PCNX1: variants seen among roughly 807,000 people sequenced by gnomAD.
PCNX1 encodes pecanex 1, also known as pecanex-like protein 1.
Under a neutral mutation model 242.2 loss-of-function variants are expected in PCNX1, and 78 were observed. That is an observed-to-expected ratio of 0.32 (90% CI 0.27 to 0.39). PCNX1 has a LOEUF of 0.39. PCNX1 is among the 10% of genes least tolerant of loss of function. PCNX1 has a pLI of 1.00. For synonymous variants in PCNX1, 1,024 were observed against 1,032.9 expected (o/e 0.99, Z 0.17); for missense variants, 2,581 against 2,856.5 (o/e 0.90, Z 2.20).
chr14:71,024,508 A>AT (rs550562903), intron 13 of PCNX1, among the ~76,000 whole-genome samples: 68 of 150,666 alleles, frequency 4.5e-4, no homozygotes, highest in African/African-American at 1.5e-3. Flanking sequence ...CTTTAAAAAA[A>AT]TTTTTTTTTT....
chr14:70,916,338 G>C (rs901377342), intron 1 of PCNX1, among the ~76,000 whole-genome samples: 2 of 152,042 alleles, frequency 1.3e-5, no homozygotes, highest in African/African-American at 4.8e-5. Context: ...AAAAGAAAAT[G>C]GCCTTGGACA....
chr14:70,951,518 G>T (rs966960236), intron 2 of PCNX1, among the ~76,000 whole-genome samples: 4 of 151,898 alleles, frequency 2.6e-5, no homozygotes, highest in Non-Finnish European at 5.9e-5. Flanking sequence ...GGGATTACAG[G>T]CATGCACCAC....
At chr14:71,064,245 GA>G (rs918062360) in intron 26 of PCNX1, among the ~76,000 whole-genome samples, 10 of 151,610 alleles carry the variant, frequency 6.6e-5, no homozygotes, top group South Asian at 4.2e-4. Context: ...ATTTTGCTCA[GA>G]AAAAAAATCT....
At chr14:70,985,275 C>T (rs2058965879) in intron 6 of PCNX1, among the ~76,000 whole-genome samples, 1 of 152,124 alleles carries the variant, frequency 6.6e-6, no homozygotes, top group Admixed American at 6.5e-5. Context: ...AGTGCAGTGG[C>T]ACGATCTTGG....
chr14:70,955,697 T>G (rs1253562846), intron 2 of PCNX1, among the ~76,000 whole-genome samples: 1 of 152,200 alleles, frequency 6.6e-6, no homozygotes, highest in Non-Finnish European at 1.5e-5. Flanking sequence ...TCCAGGTATG[T>G]GCTGAAATCT....
chr14:71,065,236 C>G (rs1382392847), intron 26 of PCNX1, among the ~76,000 whole-genome samples: 11 of 152,228 alleles, frequency 7.2e-5, no homozygotes, highest in Non-Finnish European at 5.9e-5. Context: ...CTCCCACCAA[C>G]AGTGTAAAAG....
intron 26 of PCNX1, among the ~76,000 whole-genome samples, chr14:71,062,249 T>C (rs2061343635): frequency 6.6e-6 from 1 of 152,136 alleles, no homozygotes; most frequent in African/African-American, 2.4e-5. Flanking sequence ...GGCAGCTCCA[T>C]GTGTGTCATT....
chr14:70,986,353 C>T (rs993438272), intron 6 of PCNX1, among the ~76,000 whole-genome samples: 9 of 152,164 alleles, frequency 5.9e-5, no homozygotes, highest in African/African-American at 2.2e-4. Context: ...CTAAACTTTC[C>T]TCTTGATGTG....
At chr14:70,930,481 T>A (rs2056755478) in intron 1 of PCNX1, among the ~76,000 whole-genome samples, 1 of 152,234 alleles carries the variant, frequency 6.6e-6, no homozygotes. Flanking sequence ...AACAGCATTC[T>A]ATTGTAGCTA....
At chr14:71,017,632 A>G (rs2059994076) in intron 11 of PCNX1, among the ~76,000 whole-genome samples, 1 of 152,238 alleles carries the variant, frequency 6.6e-6, no homozygotes, top group African/African-American at 2.4e-5. Context: ...AGATCATTAA[A>G]ACAAAATTTG....
At chr14:70,919,466 G>GTTT (rs2056283342) in intron 1 of PCNX1, among the ~76,000 whole-genome samples, 1 of 152,048 alleles carries the variant, frequency 6.6e-6, no homozygotes, top group Admixed American at 6.6e-5. Flanking sequence ...GTGTCTCTTA[G>GTTT]GAAAGCTGGA....
intron 1 of PCNX1, among the ~76,000 whole-genome samples, chr14:70,908,403 C>T (rs1246237234): frequency 1.3e-5 from 2 of 152,102 alleles, no homozygotes; most frequent in Admixed American, 1.3e-4. Context: ...ACGCTGGGTT[C>T]CTCGGGCGCC....
At chr14:71,024,501 T>TA (rs34696883) in intron 13 of PCNX1, among the ~76,000 whole-genome samples, 43 of 152,066 alleles carry the variant, frequency 2.8e-4, no homozygotes, top group East Asian at 9.7e-4. Flanking sequence ...GTTTTTTCTT[T>TA]AAAAAAATTT....
Position 70,978,756 on chromosome 14 carries a change from TG to T in PCNX1, c.2311+109del, listed in dbSNP as rs546203146. ...CTTCTGTTAATATTCCCCCTTCCAC[TG>T]TGTTATTAAAATAAGCTTTCTTGAA... On this transcript the variant is annotated intron_variant, in intron 6 of 35. Transcript: ENST00000304743. The T allele has an allele frequency of 3.6e-5, 36 of 988,792 alleles. No individual in the cohort carries two copies. The African/African-American group carries it at 5.1e-4, about 14-fold the overall frequency. The allele number at this position is 988,792 out of a possible 1,614,324, so 61.3% of individuals were successfully genotyped here.
At chr14:71,049,115 G>A in intron 22 of PCNX1, 1 of 894,672 alleles carries the variant, frequency 1.1e-6, no homozygotes. Context: ...ATACTGGTTG[G>A]AAAAAAGTGA....
At chr14:70,957,886 CT>C (rs1186174615) in intron 2 of PCNX1, among the ~76,000 whole-genome samples, 10 of 151,890 alleles carry the variant, frequency 6.6e-5, no homozygotes, top group Non-Finnish European at 8.8e-5. Context: ...GCTGTCTCTC[CT>C]TTCTGTGTTG....
intron 1 of PCNX1, among the ~76,000 whole-genome samples, chr14:70,925,234 C>T (rs371842853): frequency 6.6e-6 from 1 of 152,216 alleles, no homozygotes; most frequent in Non-Finnish European, 1.5e-5. Context: ...AGTGATCTGC[C>T]TGCTTCAGCC....
chr14:70,939,130 A>G (rs181400394), intron 1 of PCNX1, among the ~76,000 whole-genome samples: 1 of 151,934 alleles, frequency 6.6e-6, no homozygotes, highest in Non-Finnish European at 1.5e-5. Flanking sequence ...TCTCTGTCTC[A>G]TTCAGTTCTG....
intron 1 of PCNX1, among the ~76,000 whole-genome samples, chr14:70,910,692 A>G (rs2055863476): frequency 6.6e-6 from 1 of 151,996 alleles, no homozygotes; most frequent in Non-Finnish European, 1.5e-5. Flanking sequence ...ACTGATATCT[A>G]TTTATTTGTT....
Sources: allele counts gnomAD v4.1 joint callset (sites outside exome capture counted in the v4.1 genomes callset), GRCh38; gene constraint gnomAD v4.1.1; transcripts MANE v1.5; gene names NCBI Gene and HGNC (gene_info 2026-07-23, HGNC 2026-07-21).